Variants in PLCE1 observed in about 807,000 individuals in gnomAD.
The protein encoded by PLCE1 is 1-phosphatidylinositol 4,5-bisphosphate phosphodiesterase epsilon-1.
Under a neutral mutation model 242.8 loss-of-function variants are expected in PLCE1, and 119 were observed. That is an observed-to-expected ratio of 0.49 (90% CI 0.42 to 0.57). The LOEUF is 0.57. Ranked by LOEUF, PLCE1 falls within the 20% of genes least tolerant of loss-of-function variation. The pLI, the probability that PLCE1 is intolerant of heterozygous loss-of-function variation, is 0.00. For missense variants in PLCE1, 2,441 were observed against 2,788.8 expected (o/e 0.88, Z 2.81); for synonymous variants, 945 against 1,017.4 (o/e 0.93, Z 1.35).
At chr10:94,087,129 C>A (rs551591817) in intron 2 of PLCE1, among the ~76,000 whole-genome samples, 23 of 152,180 alleles carry the variant, frequency 1.5e-4, no homozygotes, top group South Asian at 8.3e-4. Flanking sequence ...ATGAGGATTA[C>A]TTGAGCCCAG....
In PLCE1 at chr10:94,158,563, A is replaced by G. The variant is rs553319497; in HGVS notation, c.1493-12617A>G. On this transcript the variant is annotated intron_variant, in intron 3 of 32. Transcript: ENST00000371380. ...TTCTCTTTCAATGTTATTTAACATAATAAGCACAGATAAAGTTATATTTAC... is the reference window on the plus strand; with the variant it reads ...TTCTCTTTCAATGTTATTTAACATAGTAAGCACAGATAAAGTTATATTTAC... 1.6e-3 allele frequency among the ~76,000 whole-genome samples: 238 copies of G among 152,294 alleles called. 1 individual carries two copies. Among genetic ancestry groups the G allele is most frequent in the Middle Eastern group, 3.4e-3 (1 of 294 alleles).
In PLCE1 at chr10:94,031,740, G is replaced by T; in HGVS notation, c.694G>T (p.Ala232Ser). The T allele has an allele frequency of 6.2e-7, 1 of 1,613,740 alleles. No homozygotes were observed. The highest frequency in any genetic ancestry group is 8.5e-7 in the Non-Finnish European group (1 of 1,179,864). Residue 232 changes from alanine to serine, a missense_variant, in exon 2 of 33, where the codon GCA becomes TCA. By Grantham distance (99) the Ala-to-Ser change is moderately conservative. Around this residue, in one of 5 missense-constraint regions of PLCE1, gnomAD observed 393 missense variants for 378.5 expected, o/e 1.04. Coordinates refer to ENST00000371380, the MANE Select transcript of PLCE1 (RefSeq NM_016341.4). ...GGAGAAGCAAAAGAAAAACTATGTG[G>T]CATATACCTGTAAACTGATGGAATT... ...GEEKQKKNYVAYTCKLMELAK... is the reference protein window; with the variant it reads ...GEEKQKKNYVSYTCKLMELAK...
chr10:94,094,886 C>T (rs1167270879), intron 2 of PLCE1: 1 of 152,172 alleles, frequency 6.6e-6, no homozygotes, highest in African/African-American at 2.4e-5. Flanking sequence ...GTAGAATTCT[C>T]ACTAAATTAA....
intron 4 of PLCE1, among the ~76,000 whole-genome samples, chr10:94,219,559 T>G (rs1205283706): frequency 1.3e-5 from 2 of 152,184 alleles, no homozygotes; most frequent in Non-Finnish European, 2.9e-5. Context: ...TTGGCTGGTG[T>G]AGGTCATATG....
chr10:94,071,609 G>A (rs878891459), intron 2 of PLCE1, among the ~76,000 whole-genome samples: 4 of 141,080 alleles, frequency 2.8e-5, no homozygotes, highest in Non-Finnish European at 4.5e-5. Flanking sequence ...TGATCCTCCC[G>A]CTACTCATCC....
intron 4 of PLCE1, among the ~76,000 whole-genome samples, chr10:94,226,812 A>G (rs2049954889): frequency 6.8e-6 from 1 of 148,050 alleles, no homozygotes; most frequent in African/African-American, 2.5e-5. Flanking sequence ...GAGTTATAAG[A>G]GATTAAGGAC....
chr10:94,202,622 C>T (rs905706330), intron 4 of PLCE1, among the ~76,000 whole-genome samples: 12 of 152,180 alleles, frequency 7.9e-5, no homozygotes, highest in Non-Finnish European at 1.0e-4. Context: ...CGCGTTATCA[C>T]GTTGTTTGCT....
At position 94,262,524 on chromosome 10, in the gene PLCE1, G is replaced by T; in HGVS notation, c.3845G>T (p.Gly1282Val). 6.2e-7 allele frequency: 1 copy of T among 1,613,552 alleles called. No individual in the cohort carries two copies. Among genetic ancestry groups the T allele is most frequent in the South Asian group, 1.1e-5 (1 of 91,058 alleles). ...DLLTRNVSDL[G>V]LFIKSKQQLS... ...TTGACCAGAAATGTCTCGGATTTGG[G>T]GTTGTTCATTAAGAGTAAACAGCAG... Residue 1282 changes from glycine to valine, a missense_variant, in exon 14 of 33, where the codon GGG becomes GTG. Around this residue, in one of 5 missense-constraint regions of PLCE1, gnomAD observed 1,004 missense variants for 1,322.7 expected, o/e 0.76. Coordinates refer to ENST00000371380, the MANE Select transcript of PLCE1 (RefSeq NM_016341.4).
chr10:94,262,696 A>T lies in PLCE1; in HGVS notation c.4017A>T (p.Glu1339Asp). 2.5e-6 allele frequency: 4 copies of T among 1,613,940 alleles called. No homozygotes were observed. Among genetic ancestry groups the T allele is most frequent in the Non-Finnish European group, 2.5e-6 (3 of 1,179,824 alleles). ...LNDFLVNCQG[E>D]HCTYDEILSI... The stretch of plus-strand genomic sequence containing the variant: ...ATTTCCTCGTGAATTGCCAAGGAGA[A>T]CACTGCACTTATGATGAAATCCTCA... The change falls in exon 14 of 33, where the codon GAA (glutamate) becomes GAT (aspartate). Residue 1339 changes from glutamate (E) to aspartate (D), a missense_variant. This residue lies in a region of PLCE1 where 1,004 missense variants were observed against 1,322.7 expected (regional missense o/e 0.76). Transcript: ENST00000371380.
chr10:94,277,372 C>T (rs1374203863), intron 19 of PLCE1, among the ~76,000 whole-genome samples: 1 of 152,158 alleles, frequency 6.6e-6, no homozygotes, highest in African/African-American at 2.4e-5. Context: ...CAACCTATAT[C>T]CGAGTTACTT....
chr10:94,092,021 G>A (rs1467442440), intron 2 of PLCE1, among the ~76,000 whole-genome samples: 1 of 152,206 alleles, frequency 6.6e-6, no homozygotes, highest in Non-Finnish European at 1.5e-5. Flanking sequence ...AGGTGTCTGT[G>A]TGTGAGCCAC....
intron 2 of PLCE1, among the ~76,000 whole-genome samples, chr10:94,069,760 G>A (rs146246203): frequency 1.6e-4 from 25 of 152,268 alleles, no homozygotes; most frequent in Non-Finnish European, 2.6e-4. Flanking sequence ...TTTGAATAGC[G>A]GATTATTTTG....
At chr10:94,050,454 G>A (rs936231533) in intron 2 of PLCE1, among the ~76,000 whole-genome samples, 2 of 152,182 alleles carry the variant, frequency 1.3e-5, no homozygotes, top group South Asian at 2.1e-4. Context: ...CCCTCAACAC[G>A]TGGGGTCTAT....
intron 4 of PLCE1, among the ~76,000 whole-genome samples, chr10:94,221,851 A>G (rs1027575956): frequency 1.3e-5 from 2 of 152,340 alleles, no homozygotes; most frequent in Admixed American, 1.3e-4. Flanking sequence ...CCAGATACCC[A>G]TTACAAATGA....
At chr10:94,258,153 CAG>C (rs1315473098) in intron 11 of PLCE1, among the ~76,000 whole-genome samples, 1 of 152,084 alleles carries the variant, frequency 6.6e-6, no homozygotes, top group Non-Finnish European at 1.5e-5. Flanking sequence ...AAATTAGAGA[CAG>C]TGCCTCACTA....
intron 4 of PLCE1, among the ~76,000 whole-genome samples, chr10:94,185,909 A>C (rs1159037693): frequency 6.6e-6 from 1 of 152,330 alleles, no homozygotes; most frequent in African/African-American, 2.4e-5. Flanking sequence ...CATTCACCAA[A>C]TGTAAGAATC....
At chr10:94,183,310 G>A (rs1445823121) in intron 4 of PLCE1, among the ~76,000 whole-genome samples, 1 of 152,170 alleles carries the variant, frequency 6.6e-6, no homozygotes, top group Non-Finnish European at 1.5e-5. Flanking sequence ...CAAGATTTCA[G>A]TACCAACTTT....
intron 2 of PLCE1, among the ~76,000 whole-genome samples, chr10:94,056,182 A>T (rs189639949): frequency 6.6e-6 from 1 of 152,212 alleles, no homozygotes; most frequent in Non-Finnish European, 1.5e-5. Flanking sequence ...TTAAAAATGC[A>T]GCCTCTTGTG....
intron 4 of PLCE1, among the ~76,000 whole-genome samples, chr10:94,215,729 A>G (rs1490183552): frequency 6.6e-6 from 1 of 152,112 alleles, no homozygotes; most frequent in African/African-American, 2.4e-5. Flanking sequence ...GAAAACATAT[A>G]TGGAGAGGAT....
Sources: gnomAD v4.1 joint callset for allele counts (sites outside exome capture counted in the v4.1 genomes callset) on GRCh38, gnomAD v4.1.1 for gene constraint, gnomAD v4.1.1 regional missense constraint, MANE v1.5 for transcripts, NCBI Gene and HGNC (gene_info 2026-07-23, HGNC 2026-07-21) for gene names.